The following UBE2E2 variants were observed in gnomAD, a reference collection of about 807,000 sequenced individuals.
UBE2E2 encodes ubiquitin conjugating enzyme E2 E2.
UBE2E2 carries 6 observed loss-of-function variants against 24.7 expected under a neutral mutation model. That is an observed-to-expected ratio of 0.24 (90% CI 0.13 to 0.48). UBE2E2 has a LOEUF of 0.48. Among genes scored for constraint, UBE2E2 ranks in the 20% least tolerant of loss-of-function variants. The pLI, the probability that UBE2E2 is intolerant of heterozygous loss-of-function variation, is 0.99. For synonymous variants in UBE2E2, 104 were observed against 83.6 expected (o/e 1.24, Z -1.33); for missense variants, 169 against 245.0 (o/e 0.69, Z 2.07).
At chr3:23,493,482 C>T (rs1460741573) in intron 3 of UBE2E2, among the ~76,000 whole-genome samples, 2 of 152,104 alleles carry the variant, frequency 1.3e-5, no homozygotes, top group Admixed American at 6.5e-5. Flanking sequence ...AGATTTACCT[C>T]ATTGTGTTTT....
At chr3:23,456,855 T>G (rs1236935390) in intron 3 of UBE2E2, among the ~76,000 whole-genome samples, 1 of 152,218 alleles carries the variant, frequency 6.6e-6, no homozygotes, top group East Asian at 1.9e-4. Context: ...CCTTTGAAGC[T>G]TTGAAGCCAG....
chr3:23,308,268 T>C (rs1478931941), intron 3 of UBE2E2, among the ~76,000 whole-genome samples: 4 of 152,226 alleles, frequency 2.6e-5, no homozygotes, highest in East Asian at 1.9e-4. Context: ...CATTCAGATA[T>C]TAGTTTCCTT....
intron 3 of UBE2E2, among the ~76,000 whole-genome samples, chr3:23,372,388 A>G (rs1045485446): frequency 3.9e-5 from 6 of 152,296 alleles, no homozygotes; most frequent in East Asian, 3.9e-4. Context: ...TATTTCACTT[A>G]TAACTGTCAT....
chr3:23,460,723 T>A (rs904770230), intron 3 of UBE2E2, among the ~76,000 whole-genome samples: 2 of 152,138 alleles, frequency 1.3e-5, no homozygotes, highest in Non-Finnish European at 2.9e-5. Flanking sequence ...CCTTAAAGGA[T>A]GAAGATTTGG....
chr3:23,436,618 A>G lies in UBE2E2; in HGVS notation c.228-62990A>G, dbSNP rs529039336. On this transcript the variant is annotated intron_variant, in intron 3 of 5. Transcript: ENST00000396703. ...CAGTGAGCTGCGATTGAGCCGCTAC[A>G]CTCCAACCTTGGTGACAGGGCAAGA... Among the ~76,000 whole-genome samples, 23 of 151,660 alleles carry G rather than the reference A, an allele frequency of 1.5e-4. No individual in the cohort carries two copies. The South Asian group carries it at 4.4e-3, about 29-fold the overall frequency.
chr3:23,451,274 A>G (rs139311337), intron 3 of UBE2E2, among the ~76,000 whole-genome samples: 79 of 152,272 alleles, frequency 5.2e-4, no homozygotes, highest in African/African-American at 1.8e-3. Context: ...TTGTCCTGCT[A>G]TCCATTTAGA....
At chr3:23,212,744 A>G (rs1696364039) in intron 2 of UBE2E2, among the ~76,000 whole-genome samples, 1 of 152,090 alleles carries the variant, frequency 6.6e-6, no homozygotes, top group Admixed American at 6.5e-5. Flanking sequence ...TTTTGTAATT[A>G]CTGTATTTTC....
chr3:23,336,006 G>A (rs888775227), intron 3 of UBE2E2, among the ~76,000 whole-genome samples: 2 of 152,186 alleles, frequency 1.3e-5, no homozygotes, highest in African/African-American at 2.4e-5. Context: ...TCTCAGACAT[G>A]AGTGATTAAA....
At position 23,486,403 on chromosome 3, in the gene UBE2E2, A is replaced by G. The variant is rs529081405; in HGVS notation, c.228-13205A>G. Among the ~76,000 whole-genome samples the G allele has an allele frequency of 2.6e-5, 4 of 152,272 alleles. No individual in the cohort carries two copies. In the South Asian group the frequency reaches 6.2e-4, roughly 24 times the overall value. ...CAGTGTGTCACAGCTCTGGCTTAGGAAGCCCTGAGATCTGGGTTCCCAGGA... is the reference window on the plus strand; with the variant it reads ...CAGTGTGTCACAGCTCTGGCTTAGGGAGCCCTGAGATCTGGGTTCCCAGGA... On this transcript the variant is annotated intron_variant, in intron 3 of 5. Coordinates refer to ENST00000396703, the MANE Select transcript of UBE2E2 (RefSeq NM_152653.4).
intron 3 of UBE2E2, among the ~76,000 whole-genome samples, chr3:23,448,529 GA>G (rs796948085): frequency 6.3e-4 from 96 of 152,186 alleles, no homozygotes; most frequent in African/African-American, 2.2e-3. Context: ...AGCTAATTGG[GA>G]ATGATATTAG....
intron 3 of UBE2E2, among the ~76,000 whole-genome samples, chr3:23,470,206 C>T (rs534819715): frequency 6.6e-6 from 1 of 152,132 alleles, no homozygotes. Flanking sequence ...TTACTGTGCC[C>T]CTCCTTTTCC....
chr3:23,300,817 C>T (rs923859892), intron 3 of UBE2E2, among the ~76,000 whole-genome samples: 2 of 152,018 alleles, frequency 1.3e-5, no homozygotes, highest in African/African-American at 4.8e-5. Flanking sequence ...TTTCCTGAAT[C>T]TGAATGTTGG....
chr3:23,551,460 A>C (rs989688067), intron 5 of UBE2E2, among the ~76,000 whole-genome samples: 1 of 152,228 alleles, frequency 6.6e-6, no homozygotes, highest in African/African-American at 2.4e-5. Flanking sequence ...TAGTAGAAAC[A>C]TGCAAACAGC....
intron 3 of UBE2E2, among the ~76,000 whole-genome samples, chr3:23,291,614 G>A (rs1698766241): frequency 6.6e-6 from 1 of 151,406 alleles, no homozygotes; most frequent in African/African-American, 2.4e-5. Flanking sequence ...TCATGGTATT[G>A]GGCAAAATGA....
chr3:23,326,285 G>C (rs1186278354), intron 3 of UBE2E2, among the ~76,000 whole-genome samples: 1 of 152,170 alleles, frequency 6.6e-6, no homozygotes, highest in East Asian at 1.9e-4. Flanking sequence ...TGGCCAGGCT[G>C]TTCTCGAGCT....
chr3:23,413,795 A>C (rs900438616), intron 3 of UBE2E2, among the ~76,000 whole-genome samples: 1 of 152,174 alleles, frequency 6.6e-6, no homozygotes, highest in Non-Finnish European at 1.5e-5. Context: ...CTCCCAGGCT[A>C]CCAGCACTGC....
In UBE2E2 at chr3:23,532,576, A is replaced by T. The variant is rs760893735; in HGVS notation, c.383A>T (p.Tyr128Phe). ...PPKVTFRTRI[Y>F]HCNINSQGVI... ...TAGGTTACCTTCCGAACAAGAATCT[A>T]TCACTGTAATATTAACAGCCAAGGT... The change falls in exon 5 of 6, where the codon TAT (tyrosine) becomes TTT (phenylalanine). Residue 128 changes from tyrosine to phenylalanine, a missense_variant. Tyr to Phe is a conservative substitution (Grantham distance 22, BLOSUM62 3). Transcript: ENST00000396703. The T allele has an allele frequency of 3.5e-5, 54 of 1,535,484 alleles. No individual in the cohort carries two copies. The highest frequency in any genetic ancestry group is 4.7e-5 in the Non-Finnish European group (53 of 1,126,000).
intron 5 of UBE2E2, among the ~76,000 whole-genome samples, chr3:23,572,193 C>G (rs1305239661): frequency 1.3e-5 from 2 of 152,144 alleles, no homozygotes; most frequent in Non-Finnish European, 2.9e-5. Flanking sequence ...CCCTTAATCA[C>G]TACAAGTCAC....
chr3:23,515,495 T>G (rs1694713305), intron 4 of UBE2E2, among the ~76,000 whole-genome samples: 1 of 152,054 alleles, frequency 6.6e-6, no homozygotes, highest in South Asian at 2.1e-4. Flanking sequence ...ACAATGTTTT[T>G]AAATGTGAAA....
Sources: allele counts gnomAD v4.1 joint callset (sites outside exome capture counted in the v4.1 genomes callset), GRCh38; gene constraint gnomAD v4.1.1; transcripts MANE v1.5; gene names NCBI Gene and HGNC (gene_info 2026-07-23, HGNC 2026-07-21).